Variants in CNTN4 observed in about 807,000 individuals in gnomAD.
CNTN4 encodes contactin 4, also known as contactin-4.
Under a neutral mutation model 122.5 loss-of-function variants are expected in CNTN4, and 77 were observed. The observed-to-expected ratio is 0.63, with a 90% confidence interval of 0.52 to 0.76. The LOEUF is 0.76. CNTN4 is among the 30% of genes least tolerant of loss of function. CNTN4 has a pLI of 0.00. For synonymous variants in CNTN4, 512 were observed against 447.0 expected, an observed-to-expected ratio of 1.15 and a Z score of -1.83; for missense variants, 1,256 against 1,259.1, an observed-to-expected ratio of 1.00 and a Z score of 0.04.
At chr3:2,353,472 C>T (rs1301405183) in intron 3 of CNTN4, among the ~76,000 whole-genome samples, 2 of 152,118 alleles carry the variant, frequency 1.3e-5, no homozygotes, top group Non-Finnish European at 2.9e-5. Context: ...TGCCGCTGCT[C>T]ACTCTTTGGG....
intron 3 of CNTN4, among the ~76,000 whole-genome samples, chr3:2,341,096 TC>T (rs1011188765): frequency 1.3e-5 from 2 of 152,164 alleles, no homozygotes; most frequent in African/African-American, 4.8e-5. Flanking sequence ...TGCTGTGTTT[TC>T]CCTTGCTTTT....
intron 4 of CNTN4, among the ~76,000 whole-genome samples, chr3:2,614,293 G>A (rs2081619766): frequency 6.6e-6 from 1 of 152,160 alleles, no homozygotes; most frequent in Admixed American, 6.5e-5. Context: ...TGGGAAAGAG[G>A]AAGATGAGGT....
chr3:2,280,408 T>C (rs991923069), intron 2 of CNTN4, among the ~76,000 whole-genome samples: 9 of 152,214 alleles, frequency 5.9e-5, no homozygotes, highest in Admixed American at 1.3e-4. Flanking sequence ...TTGTTTCTTA[T>C]TTTGTTTGTT....
chr3:2,220,233 C>T (rs1344544233), intron 2 of CNTN4, among the ~76,000 whole-genome samples: 1 of 152,150 alleles, frequency 6.6e-6, no homozygotes, highest in Non-Finnish European at 1.5e-5. Context: ...TTTGGAATTA[C>T]ACTCTCCCTT....
At chr3:2,167,374 T>C (rs1344217090) in intron 2 of CNTN4, among the ~76,000 whole-genome samples, 1 of 152,172 alleles carries the variant, frequency 6.6e-6, no homozygotes, top group African/African-American at 2.4e-5. Context: ...AATACCATTA[T>C]TACAATACAC....
At chr3:2,921,002 T>G (rs1258718594) in intron 12 of CNTN4, among the ~76,000 whole-genome samples, 1 of 152,192 alleles carries the variant, frequency 6.6e-6, no homozygotes, top group Non-Finnish European at 1.5e-5. Flanking sequence ...AGAGTTGTGT[T>G]GAGAGTCTCC....
chr3:2,616,167 C>T lies in CNTN4; in HGVS notation c.55+44609C>T, dbSNP rs375161700. Among the ~76,000 whole-genome samples the T allele has an allele frequency of 4.6e-5, 7 of 151,326 alleles. No homozygotes were observed. In the East Asian group the frequency reaches 9.8e-4, roughly 21 times the overall value. On this transcript the variant is annotated intron_variant, in intron 4 of 24. Coordinates refer to ENST00000418658, the MANE Select transcript of CNTN4 (RefSeq NM_175607.3). ...CCTAACCCCCCATCCCCCCAACAGGCCCAGTGTGTGTTGTTCCCCTCCCTG... is the reference window on the plus strand; with the variant it reads ...CCTAACCCCCCATCCCCCCAACAGGTCCAGTGTGTGTTGTTCCCCTCCCTG...
intron 3 of CNTN4, among the ~76,000 whole-genome samples, chr3:2,429,842 A>G (rs2047992492): frequency 6.6e-6 from 1 of 152,136 alleles, no homozygotes; most frequent in Admixed American, 6.5e-5. Context: ...CTGCTGTGCT[A>G]ACAATAAGTG....
chr3:2,840,727 T>A (rs2093348463), intron 7 of CNTN4, among the ~76,000 whole-genome samples: 1 of 151,650 alleles, frequency 6.6e-6, no homozygotes, highest in Admixed American at 6.6e-5. Flanking sequence ...AATAAAAAAA[T>A]AAAAGCTGGA....
At chr3:3,014,795 A>G (rs976243726) in intron 14 of CNTN4, among the ~76,000 whole-genome samples, 1 of 151,748 alleles carries the variant, frequency 6.6e-6, no homozygotes. Context: ...CCCTGTACCT[A>G]ATTTAAAAGA....
intron 7 of CNTN4, among the ~76,000 whole-genome samples, chr3:2,858,400 G>T (rs2093638060): frequency 6.6e-6 from 1 of 152,164 alleles, no homozygotes; most frequent in African/African-American, 2.4e-5. Context: ...TTTGAGGACT[G>T]ATATTTGAGG....
intron 12 of CNTN4, among the ~76,000 whole-genome samples, chr3:2,912,745 T>C (rs936255885): frequency 2.6e-5 from 4 of 152,238 alleles, no homozygotes; most frequent in Non-Finnish European, 4.4e-5. Flanking sequence ...GAATAGATTA[T>C]TATAACTTTA....
chr3:2,300,779 C>T (rs892631727), intron 2 of CNTN4, among the ~76,000 whole-genome samples: 1 of 151,754 alleles, frequency 6.6e-6, no homozygotes, highest in Non-Finnish European at 1.5e-5. Context: ...CCATGTTGGC[C>T]AGGATGGTCT....
chr3:2,632,607 A>C (rs2082492829), intron 4 of CNTN4, among the ~76,000 whole-genome samples: 1 of 152,186 alleles, frequency 6.6e-6, no homozygotes, highest in Admixed American at 6.5e-5. Context: ...ATTATCCTTG[A>C]GCCTCTTAGG....
At chr3:2,212,404 G>T (rs1213818792) in intron 2 of CNTN4, among the ~76,000 whole-genome samples, 4 of 152,208 alleles carry the variant, frequency 2.6e-5, no homozygotes, top group Non-Finnish European at 5.9e-5. Flanking sequence ...TTAACTCACA[G>T]TTCCACATGG....
In CNTN4 at chr3:2,291,129, G is replaced by T. The variant is rs2042117878; in HGVS notation, c.-144-48049G>T. Among the ~76,000 whole-genome samples the T allele has an allele frequency of 2.0e-5, 3 of 152,172 alleles. No individual in the cohort carries two copies. In the South Asian group the frequency reaches 6.2e-4, roughly 32 times the overall value. The stretch of plus-strand genomic sequence containing the variant: ...TAGACCCCATCACTGCAGATGTGAT[G>T]ATATTTTTGTTATTCTTATTTCTTT... On this transcript the variant is annotated intron_variant, in intron 2 of 24. Coordinates refer to ENST00000418658, the MANE Select transcript of CNTN4 (RefSeq NM_175607.3).
At chr3:2,362,914 A>T (rs2045217721) in intron 3 of CNTN4, among the ~76,000 whole-genome samples, 1 of 152,216 alleles carries the variant, frequency 6.6e-6, no homozygotes, top group Non-Finnish European at 1.5e-5. Context: ...CTATTATAAG[A>T]TTCTCACATA....
At chr3:2,521,343 T>TCGGCCCCCCCCCCCCCCC (rs781282977) in intron 3 of CNTN4, among the ~76,000 whole-genome samples, 10 of 128,302 alleles carry the variant, frequency 7.8e-5, no homozygotes, top group Admixed American at 1.6e-4. Context: ...CCTCTACCCA[T>TCGGCCCCCCCCCCCCCCC]CCCCCCCACC....
intron 6 of CNTN4, among the ~76,000 whole-genome samples, chr3:2,758,981 A>G (rs2090464692): frequency 6.6e-6 from 1 of 152,146 alleles, no homozygotes; most frequent in South Asian, 2.1e-4. Context: ...TGTAACCGTT[A>G]ACAGTCACTT....
Sources: gnomAD v4.1 joint callset for allele counts (sites outside exome capture counted in the v4.1 genomes callset) on GRCh38, gnomAD v4.1.1 for gene constraint, MANE v1.5 for transcripts, NCBI Gene and HGNC (gene_info 2026-07-23, HGNC 2026-07-21) for gene names.